Variants in CACNA2D1 observed in about 807,000 individuals in gnomAD.
The protein encoded by CACNA2D1 is voltage-dependent calcium channel subunit alpha-2/delta-1.
A neutral mutation model predicts 171.5 loss-of-function variants in CACNA2D1; 53 were observed. The observed-to-expected ratio is 0.31, with a 90% CI of 0.25 to 0.39. The LOEUF is 0.39. Ranked by LOEUF, CACNA2D1 falls within the 10% of genes least tolerant of loss-of-function variation. The pLI is 1.00. For synonymous variants in CACNA2D1, 442 were observed against 443.1 expected, an observed-to-expected ratio of 1.00 and a Z score of 0.03; for missense variants, 903 against 1,299.8, an observed-to-expected ratio of 0.69 and a Z score of 4.69.
At chr7:82,416,800 A>C (rs889620656) in intron 1 of CACNA2D1, among the ~76,000 whole-genome samples, 6 of 152,150 alleles carry the variant, frequency 3.9e-5, no homozygotes, top group African/African-American at 1.4e-4. Context: ...TCAACACAGG[A>C]ATTTTGGGGG....
At chr7:82,174,506 T>C (rs1177028935) in intron 3 of CACNA2D1, among the ~76,000 whole-genome samples, 1 of 152,112 alleles carries the variant, frequency 6.6e-6, no homozygotes, top group African/African-American at 2.4e-5. Context: ...TATAAAGGTT[T>C]TAAGGACTTA....
chr7:82,410,292 A>G (rs1382475073), intron 1 of CACNA2D1, among the ~76,000 whole-genome samples: 2 of 152,224 alleles, frequency 1.3e-5, no homozygotes, highest in Non-Finnish European at 2.9e-5. Context: ...GACTTTTACA[A>G]TATCTGCTTA....
At chr7:81,990,127 A>G (rs1019978849) in intron 21 of CACNA2D1, among the ~76,000 whole-genome samples, 1 of 152,198 alleles carries the variant, frequency 6.6e-6, no homozygotes, top group African/African-American at 2.4e-5. Context: ...AACAGAGCCC[A>G]GGTATTAGAA....
chr7:82,253,363 C>A (rs1393999346), intron 3 of CACNA2D1, among the ~76,000 whole-genome samples: 1 of 152,044 alleles, frequency 6.6e-6, no homozygotes, highest in African/African-American at 2.4e-5. Flanking sequence ...GGGCCATGGC[C>A]AGACTTCTAC....
intron 3 of CACNA2D1, among the ~76,000 whole-genome samples, chr7:82,206,626 G>A (rs750746392): frequency 2.6e-5 from 4 of 152,042 alleles, no homozygotes; most frequent in Non-Finnish European, 5.9e-5. Flanking sequence ...CAATGCCTGA[G>A]GCTTATTATC....
At chr7:82,177,883 C>G (rs1330762511) in intron 3 of CACNA2D1, among the ~76,000 whole-genome samples, 1 of 152,056 alleles carries the variant, frequency 6.6e-6, no homozygotes, top group African/African-American at 2.4e-5. Flanking sequence ...ATATGTTTTA[C>G]TTATGCTTGC....
chr7:82,142,927 C>T (rs751281008), intron 4 of CACNA2D1, among the ~76,000 whole-genome samples: 13 of 152,140 alleles, frequency 8.5e-5, no homozygotes, highest in Non-Finnish European at 1.5e-4. Flanking sequence ...GACTTAGCAA[C>T]CACTGCTATT....
At chr7:82,243,403 T>A (rs981858087) in intron 3 of CACNA2D1, among the ~76,000 whole-genome samples, 7 of 152,308 alleles carry the variant, frequency 4.6e-5, no homozygotes, top group African/African-American at 1.7e-4. Flanking sequence ...TTTTTAAAGA[T>A]GGTTGACATA....
At chr7:82,277,880 G>C (rs1809566759) in intron 3 of CACNA2D1, among the ~76,000 whole-genome samples, 1 of 151,180 alleles carries the variant, frequency 6.6e-6, no homozygotes, top group African/African-American at 2.4e-5. Context: ...CAAGTAGCTG[G>C]GACCACAGGC....
At position 82,051,272 on chromosome 7, in the gene CACNA2D1, G is replaced by A. The variant is rs146858307; in HGVS notation, c.879+9156C>T. On this transcript the variant is annotated intron_variant, in intron 10 of 38. Transcript: ENST00000356860. Reference sequence around the variant, plus strand: ...TGCATTTAGGGAAAAGCTTCCAGCTGGGAAAGGGCTCACCTTCCTTTCCAG... The same window carrying A: ...TGCATTTAGGGAAAAGCTTCCAGCTAGGAAAGGGCTCACCTTCCTTTCCAG... 3.9e-5 allele frequency among the ~76,000 whole-genome samples: 6 copies of A among 152,244 alleles called. No individual in the cohort carries two copies. The East Asian group carries it at 1.2e-3, about 29-fold the overall frequency.
chr7:82,051,948 T>C (rs941329280), intron 10 of CACNA2D1, among the ~76,000 whole-genome samples: 14 of 152,208 alleles, frequency 9.2e-5, no homozygotes, highest in South Asian at 4.1e-4. Flanking sequence ...ACCCTGGAGA[T>C]AGTAGAAACA....
intron 11 of CACNA2D1, among the ~76,000 whole-genome samples, chr7:82,037,701 G>C (rs1473534097): frequency 2.6e-5 from 4 of 152,106 alleles, no homozygotes; most frequent in African/African-American, 9.7e-5. Context: ...AATGTTCTCA[G>C]TAACCATTTG....
chr7:81,958,867 T>A (rs899567594), intron 38 of CACNA2D1, among the ~76,000 whole-genome samples: 13 of 150,906 alleles, frequency 8.6e-5, no homozygotes, highest in African/African-American at 1.5e-4. Context: ...ACACTAGAAC[T>A]CTGTAATAAT....
intron 1 of CACNA2D1, among the ~76,000 whole-genome samples, chr7:82,403,071 C>T (rs1010948347): frequency 3.3e-5 from 5 of 151,786 alleles, no homozygotes; most frequent in African/African-American, 9.7e-5. Flanking sequence ...GAGTATTCAG[C>T]GAATTCTAAA....
chr7:82,349,522 G>T, intron 2 of CACNA2D1, 46 bp downstream of exon 2: 2 of 1,404,416 alleles, frequency 1.4e-6, no homozygotes, highest in Non-Finnish European at 2.0e-6. Flanking sequence ...AACTGCATTC[G>T]AATTAATGAA....
At chr7:82,153,756 G>A (rs906121685) in intron 4 of CACNA2D1, among the ~76,000 whole-genome samples, 1 of 151,824 alleles carries the variant, frequency 6.6e-6, no homozygotes, top group Non-Finnish European at 1.5e-5. Flanking sequence ...ATGTTCTGAT[G>A]AAAAGTTGTC....
intron 1 of CACNA2D1, among the ~76,000 whole-genome samples, chr7:82,374,249 G>A (rs1045982776): frequency 2.6e-5 from 4 of 152,162 alleles, no homozygotes; most frequent in African/African-American, 4.8e-5. Context: ...TTAAAAGGGA[G>A]TCATGCTTTC....
intron 4 of CACNA2D1, among the ~76,000 whole-genome samples, chr7:82,150,422 T>TA (rs3839798): frequency 0.015 from 2,169 of 140,698 alleles, 42 homozygotes; most frequent in African/African-American, 0.047. Context: ...AGCTTTCCCT[T>TA]AAAAAAAAAA....
In CACNA2D1 at chr7:81,962,485, G is replaced by A. The variant is rs145110338; in HGVS notation, c.2791C>T (p.Gln931Ter). 1 of 1,596,902 alleles carries A rather than the reference G, an allele frequency of 6.3e-7. No individual in the cohort carries two copies. The highest frequency in any genetic ancestry group is 8.6e-7 in the Non-Finnish European group (1 of 1,169,586). The change falls in exon 35 of 39, where the codon CAG becomes TAG. Residue 931 changes from glutamine to a stop codon, truncating the protein, a stop_gained. Coordinates refer to ENST00000356860, the MANE Select transcript of CACNA2D1 (RefSeq NM_000722.4). LOFTEE classifies it high-confidence loss of function. ...AAGGTCAAACTCAAGAGAAACTGCT[G>A]TAGAATAGACCTGAATTTTTCAAAT... ...WATAAAWSIL[Q>*]QFLLSLTFPR...
Sources: gnomAD v4.1 joint callset for allele counts (sites outside exome capture counted in the v4.1 genomes callset) on GRCh38, gnomAD v4.1.1 for gene constraint, MANE v1.5 for transcripts, NCBI Gene and HGNC (gene_info 2026-07-23, HGNC 2026-07-21) for gene names.